Variants in UNC13C observed in about 807,000 individuals in gnomAD.
The protein encoded by UNC13C is unc-13 homolog C.
Under a neutral mutation model 245.4 loss-of-function variants are expected in UNC13C, and 174 were observed. The observed-to-expected ratio is 0.71, with a 90% CI of 0.63 to 0.80. The LOEUF is 0.80. Among genes scored for constraint, UNC13C ranks in the 30% least tolerant of loss-of-function variants. UNC13C has a pLI of 0.00. For missense variants in UNC13C, 2,829 were observed against 2,602.9 expected (o/e 1.09, Z -1.89); for synonymous variants, 992 against 895.1 (o/e 1.11, Z -1.93).
At chr15:54,418,720 G>A (rs957113366) in intron 19 of UNC13C, among the ~76,000 whole-genome samples, 4 of 152,090 alleles carry the variant, frequency 2.6e-5, no homozygotes, top group East Asian at 1.9e-4. Context: ...GGCTATGTGG[G>A]AATAAACATA....
the UNC13C span, among the ~76,000 whole-genome samples, chr15:53,870,263 T>C: frequency 0.29 from 43,954 of 152,134 alleles, 7,408 homozygotes; most frequent in East Asian, 0.53. Flanking sequence ...GAATTTTTTC[T>C]ATTTTTCTCC....
At chr15:53,886,026 A>G in the UNC13C span, among the ~76,000 whole-genome samples, 1 of 152,190 alleles carries the variant, frequency 6.6e-6, no homozygotes, top group Admixed American at 6.6e-5. Context: ...ATTTACAGAT[A>G]ACGAAGAGGA....
the UNC13C span, among the ~76,000 whole-genome samples, chr15:53,846,026 TAC>T: frequency 6.6e-6 from 1 of 152,176 alleles, no homozygotes; most frequent in Non-Finnish European, 1.5e-5. Flanking sequence ...TTCAATAAAT[TAC>T]ATGAGATAGT....
chr15:54,234,975 T>C, intron 4 of UNC13C, 55 bp from the exon 5 acceptor site: 1 of 1,508,642 alleles, frequency 6.6e-7, no homozygotes, highest in Admixed American at 1.7e-5. Context: ...TGGATGTTTT[T>C]CTTACAAGAA....
intron 1 of UNC13C, among the ~76,000 whole-genome samples, chr15:54,009,547 C>CTTCT (rs1555402393): frequency 1.4e-5 from 2 of 143,950 alleles, no homozygotes; most frequent in African/African-American, 5.2e-5. Context: ...TCTTCTTCTT[C>CTTCT]TTCTTTTTTT....
intron 6 of UNC13C, among the ~76,000 whole-genome samples, chr15:54,237,139 A>G (rs556789847): frequency 1.3e-5 from 2 of 152,246 alleles, no homozygotes; most frequent in Non-Finnish European, 2.9e-5. Flanking sequence ...TAGAAAAAAT[A>G]TCTTGAATAG....
chr15:54,024,751 A>T (rs11629993), intron 2 of UNC13C, among the ~76,000 whole-genome samples: 1 of 151,632 alleles, frequency 6.6e-6, no homozygotes, highest in Non-Finnish European at 1.5e-5. Context: ...CCCCGTCTCT[A>T]AAAACACAAA....
intron 2 of UNC13C, among the ~76,000 whole-genome samples, chr15:54,132,278 G>T (rs986624212): frequency 6.6e-6 from 1 of 151,872 alleles, no homozygotes; most frequent in Admixed American, 6.6e-5. Flanking sequence ...CACCATGTTA[G>T]CCAGGATGGT....
chr15:54,037,844 A>AT (rs756014484), intron 2 of UNC13C, among the ~76,000 whole-genome samples: 1 of 151,408 alleles, frequency 6.6e-6, no homozygotes. Context: ...CTATTAATGT[A>AT]TTTTTTATTA....
In UNC13C at chr15:54,021,259, C is replaced by T. The variant is rs144610666; in HGVS notation, c.2983+5373C>T. Among the ~76,000 whole-genome samples the T allele has an allele frequency of 2.0e-4, 31 of 152,116 alleles. No individual in the cohort carries two copies. The South Asian group carries it at 2.1e-3, about 10-fold the overall frequency. On this transcript the variant is annotated intron_variant, in intron 2 of 32. Coordinates refer to ENST00000260323, the MANE Select transcript of UNC13C (RefSeq NM_001080534.3). ...TTATTATTGACTGTGGTCACCATAC[C>T]GTGCAGTAGATCACTAACATTTATT...
rs1012593971 is a variant in UNC13C, at chr15:54,623,790, T to A, written c.6200-5T>A. On this transcript the variant is annotated splice_polypyrimidine_tract_variant and splice_region_variant and intron_variant, in intron 31 of 32. Transcript: ENST00000260323. ...TGCTAAAATGTGATATTTCCTTTTT[T>A]TTAGTGATTGCTATTAATGACCTAA... is the stretch of plus-strand genomic sequence containing the variant. 1 of 1,607,532 alleles carries A rather than the reference T, an allele frequency of 6.2e-7. No homozygotes were observed.
At chr15:54,317,985 CT>C (rs1268566194) in intron 13 of UNC13C, among the ~76,000 whole-genome samples, 1 of 151,952 alleles carries the variant, frequency 6.6e-6, no homozygotes, top group Non-Finnish European at 1.5e-5. Flanking sequence ...TGAGATCATG[CT>C]GTATTTGTCT....
At chr15:54,244,162 G>A (rs907668571) in intron 7 of UNC13C, among the ~76,000 whole-genome samples, 2 of 152,098 alleles carry the variant, frequency 1.3e-5, no homozygotes, top group African/African-American at 2.4e-5. Context: ...TGTATATGAT[G>A]TAAGCAAGTG....
chr15:54,115,061 CT>C (rs1432025024), intron 2 of UNC13C, among the ~76,000 whole-genome samples: 7 of 151,910 alleles, frequency 4.6e-5, no homozygotes, highest in Non-Finnish European at 4.4e-5. Context: ...TCCATTTGCT[CT>C]ATGTTCTGGA....
intron 23 of UNC13C, 71 bp from the exon 24 acceptor site, chr15:54,511,682 A>G: frequency 9.3e-7 from 1 of 1,077,496 alleles, no homozygotes; most frequent in Non-Finnish European, 1.4e-6. Context: ...TCCACCACTT[A>G]TAAGTTAAAC....
intron 30 of UNC13C, among the ~76,000 whole-genome samples, chr15:54,604,892 G>A (rs1268940564): frequency 6.6e-6 from 1 of 152,100 alleles, no homozygotes; most frequent in African/African-American, 2.4e-5. Context: ...TGAATGGTCT[G>A]GACCCAGACC....
At chr15:54,472,006 G>A (rs1245745942) in intron 19 of UNC13C, among the ~76,000 whole-genome samples, 2 of 151,754 alleles carry the variant, frequency 1.3e-5, no homozygotes, top group Non-Finnish European at 3.0e-5. Context: ...TTTGGTATTC[G>A]TTTGATGATT....
At chr15:54,571,337 A>G (rs753801438) in intron 30 of UNC13C, among the ~76,000 whole-genome samples, 1 of 152,162 alleles carries the variant, frequency 6.6e-6, no homozygotes, top group Non-Finnish European at 1.5e-5. Context: ...TGCCGTTTAT[A>G]AAACCATCAG....
At chr15:54,089,658 ATCTTTT>A (rs1228679621) in intron 2 of UNC13C, among the ~76,000 whole-genome samples, 1 of 107,012 alleles carries the variant, frequency 9.3e-6, no homozygotes, top group African/African-American at 3.2e-5. Context: ...TGCTTCCAAT[ATCTTTT>A]TTTTTTTTTT....
Sources: gnomAD v4.1 joint callset for allele counts (sites outside exome capture counted in the v4.1 genomes callset) on GRCh38, gnomAD v4.1.1 for gene constraint, MANE v1.5 for transcripts, NCBI Gene and HGNC (gene_info 2026-07-23, HGNC 2026-07-21) for gene names.